The following STMN2 variants were observed in gnomAD, a reference collection of about 807,000 sequenced individuals.
STMN2 encodes the protein stathmin 2, also known as stathmin-2.
Under a neutral mutation model 24.1 loss-of-function variants are expected in STMN2, and 2 were observed. The observed-to-expected ratio is 0.08, with a 90% confidence interval of 0.03 to 0.26. The LOEUF (loss-of-function observed/expected upper bound fraction) is 0.26. Among genes scored for constraint, STMN2 ranks in the 10% least tolerant of loss-of-function variants. The pLI, the probability that STMN2 is intolerant of heterozygous loss-of-function variation, is 1.00. For synonymous variants in STMN2, 83 were observed against 77.5 expected (o/e 1.07, Z -0.37); for missense variants, 114 against 213.6 (o/e 0.53, Z 2.91).
chr8:79,628,990 A>G (rs931042808), intron 1 of STMN2, among the ~76,000 whole-genome samples: 1 of 152,224 alleles, frequency 6.6e-6, no homozygotes, highest in Non-Finnish European at 1.5e-5. Context: ...AGATGAGTCT[A>G]CATGCAAAGT....
chr8:79,650,683 C>T (rs1326466276), intron 3 of STMN2, among the ~76,000 whole-genome samples: 1 of 152,056 alleles, frequency 6.6e-6, no homozygotes, highest in African/African-American at 2.4e-5. Flanking sequence ...AAAAAGGAAG[C>T]GAGGTTATGC....
chr8:79,621,375 T>C (rs951137674), intron 1 of STMN2, among the ~76,000 whole-genome samples: 2 of 152,148 alleles, frequency 1.3e-5, no homozygotes, highest in Non-Finnish European at 2.9e-5. Context: ...TTAGAATGAG[T>C]AAAGAGGGAA....
At chr8:79,613,879 T>C (rs1809313162) in intron 1 of STMN2, 1 of 964,010 alleles carries the variant, frequency 1.0e-6, no homozygotes, top group African/African-American at 1.8e-5. Context: ...AAGAGCAGGG[T>C]TTGTGTGCCA....
At chr8:79,622,858 C>A (rs539681760) in intron 1 of STMN2, among the ~76,000 whole-genome samples, 2 of 152,122 alleles carry the variant, frequency 1.3e-5, no homozygotes, top group Admixed American at 1.3e-4. Flanking sequence ...CGTACACGCA[C>A]GCATGCATAC....
At chr8:79,638,872 G>A (rs4601364) in intron 2 of STMN2, among the ~76,000 whole-genome samples, 28,365 of 151,940 alleles carry the variant, frequency 0.19, 3,776 homozygotes, top group East Asian at 0.41. Flanking sequence ...CAAATAAGCT[G>A]TTTTTATTTG....
At chr8:79,653,591 C>T (rs1585907752) in intron 3 of STMN2, among the ~76,000 whole-genome samples, 1 of 152,296 alleles carries the variant, frequency 6.6e-6, no homozygotes, top group African/African-American at 2.4e-5. Context: ...TTTCTCCTTT[C>T]TCCAGGCCCC....
At chr8:79,634,278 A>G (rs1809885359) in intron 1 of STMN2, among the ~76,000 whole-genome samples, 1 of 152,176 alleles carries the variant, frequency 6.6e-6, no homozygotes, top group South Asian at 2.1e-4. Flanking sequence ...ATAAATCTGG[A>G]TCTGCCTGGG....
chr8:79,633,310 T>TA (rs1237048754), intron 1 of STMN2, among the ~76,000 whole-genome samples: 1 of 152,202 alleles, frequency 6.6e-6, no homozygotes, highest in African/African-American at 2.4e-5. Flanking sequence ...AGAGTCATGC[T>TA]ATGTGGGGTC....
intron 1 of STMN2, among the ~76,000 whole-genome samples, chr8:79,617,306 A>G (rs1306753172): frequency 6.6e-6 from 1 of 152,238 alleles, no homozygotes; most frequent in Admixed American, 6.5e-5. Context: ...TGACTGGCTG[A>G]CCATGCAGCC....
chr8:79,663,748 T>C (rs1806547010), intron 4 of STMN2: 1 of 1,090,766 alleles, frequency 9.2e-7, no homozygotes, highest in African/African-American at 1.6e-5. Context: ...ATTTAGCGCC[T>C]ATGATATATG....
chr8:79,631,538 G>A, intron 1 of STMN2: 1 of 780,688 alleles, frequency 1.3e-6, no homozygotes, highest in Non-Finnish European at 1.6e-6. Flanking sequence ...ATGTTAAAAA[G>A]GGTATTTTAA....
chr8:79,624,471 AAAAAAAAG>A (rs1478691155), intron 1 of STMN2, among the ~76,000 whole-genome samples: 2 of 149,754 alleles, frequency 1.3e-5, no homozygotes, highest in Admixed American at 6.6e-5. Context: ...AAAAAAAAAA[AAAAAAAAG>A]AAAGAAAGAA....
Position 79,664,989 on chromosome 8 carries a change from TAAA to T in STMN2, c.*126_*128del, listed in dbSNP as rs879218783. 4 of 590,314 alleles carry T rather than the reference TAAA, an allele frequency of 6.8e-6. No homozygotes were observed. Among genetic ancestry groups the T allele is most frequent in the East Asian group, 5.0e-5 (1 of 19,804 alleles). The allele number at this position is 590,314 out of a possible 1,614,324, so 36.6% of individuals were successfully genotyped here. ...GACATGGTTTAAAAAGAACTCATTATAAAAAAAAAAAAACAAAAAAAATCAAAA... is the reference window on the plus strand; with the variant it reads ...GACATGGTTTAAAAAGAACTCATTATAAAAAAAAAACAAAAAAAATCAAAA... On this transcript the variant is annotated 3_prime_UTR_variant, in exon 5 of 5. Coordinates refer to ENST00000220876, the MANE Select transcript of STMN2 (RefSeq NM_007029.4).
chr8:79,663,670 C>T (rs1318698294), intron 4 of STMN2: 7 of 1,509,732 alleles, frequency 4.6e-6, no homozygotes, highest in Non-Finnish European at 6.2e-6. Flanking sequence ...ATGTAAGCAA[C>T]ATTCTACAGA....
intron 3 of STMN2, among the ~76,000 whole-genome samples, chr8:79,643,044 T>C (rs938677741): frequency 2.7e-5 from 4 of 148,148 alleles, no homozygotes; most frequent in Admixed American, 6.8e-5. Context: ...TGTATATGTA[T>C]ACCATAATTA....
At chr8:79,657,617 C>T (rs1437760774) in intron 4 of STMN2, among the ~76,000 whole-genome samples, 1 of 152,170 alleles carries the variant, frequency 6.6e-6, no homozygotes, top group Non-Finnish European at 1.5e-5. Flanking sequence ...CAGAGAAATT[C>T]TAGGACCACA....
intron 2 of STMN2, among the ~76,000 whole-genome samples, chr8:79,640,265 C>A (rs555572128): frequency 6.6e-6 from 1 of 152,302 alleles, no homozygotes; most frequent in African/African-American, 2.4e-5. Flanking sequence ...ATCAACATCT[C>A]CCCAGTCTCC....
intron 4 of STMN2, among the ~76,000 whole-genome samples, 196 bp from the exon 5 acceptor site, chr8:79,664,619 A>G (rs934497206): frequency 4.6e-5 from 7 of 152,230 alleles, no homozygotes; most frequent in Non-Finnish European, 8.8e-5. Flanking sequence ...AGTGTTAAAT[A>G]TATTTTTTAA....
At chr8:79,625,591 G>T (rs1475779506) in intron 1 of STMN2, among the ~76,000 whole-genome samples, 2 of 152,172 alleles carry the variant, frequency 1.3e-5, no homozygotes, top group Non-Finnish European at 2.9e-5. Context: ...GAAGCAGGGA[G>T]AATTATAAGA....
Sources: gnomAD v4.1 joint callset for allele counts (sites outside exome capture counted in the v4.1 genomes callset) on GRCh38, gnomAD v4.1.1 for gene constraint, MANE v1.5 for transcripts, NCBI Gene and HGNC (gene_info 2026-07-23, HGNC 2026-07-21) for gene names.